CNOT4: variants seen among roughly 807,000 people sequenced by gnomAD.
CNOT4 encodes CCR4-NOT transcription complex subunit 4.
CNOT4 carries 8 observed loss-of-function variants against 73.8 expected under a neutral mutation model. That is an observed-to-expected ratio of 0.11 (90% CI 0.06 to 0.20). The LOEUF (loss-of-function observed/expected upper bound fraction) is 0.20, where lower values mean the gene tolerates loss of function less well. CNOT4 is among the 10% of genes least tolerant of loss of function. The pLI, the probability that CNOT4 is intolerant of heterozygous loss-of-function variation, is 1.00. For synonymous variants in CNOT4, 293 were observed against 321.1 expected, an observed-to-expected ratio of 0.91 and a Z score of 0.94; for missense variants, 564 against 883.4, an observed-to-expected ratio of 0.64 and a Z score of 4.58.
intron 1 of CNOT4, among the ~76,000 whole-genome samples, chr7:135,458,297 T>C (rs936189485): frequency 6.6e-6 from 1 of 152,114 alleles, no homozygotes; most frequent in African/African-American, 2.4e-5. Context: ...TAAAAATACT[T>C]TACTGCTAAA....
intron 10 of CNOT4, chr7:135,388,578 A>C: frequency 1.7e-6 from 2 of 1,152,624 alleles, no homozygotes; most frequent in Non-Finnish European, 1.1e-6. Context: ...CATGAGAAAC[A>C]ATGCCAAAAT....
chr7:135,496,436 C>A (rs934300879), intron 1 of CNOT4, among the ~76,000 whole-genome samples: 6 of 152,154 alleles, frequency 3.9e-5, no homozygotes, highest in Non-Finnish European at 8.8e-5. Flanking sequence ...TCTTCCTTAA[C>A]CTCCCTGCAA....
intron 2 of CNOT4, among the ~76,000 whole-genome samples, chr7:135,431,471 C>T (rs191084614): frequency 3.9e-5 from 6 of 152,158 alleles, no homozygotes; most frequent in East Asian, 3.9e-4. Flanking sequence ...GGGCTGGGTG[C>T]GGTGGCTCAC....
chr7:135,401,747 G>C (rs1176211022), intron 7 of CNOT4, among the ~76,000 whole-genome samples: 1 of 152,114 alleles, frequency 6.6e-6, no homozygotes, highest in Non-Finnish European at 1.5e-5. Flanking sequence ...AAGAATGAGA[G>C]AGGCAAAAAC....
intron 10 of CNOT4, chr7:135,386,127 A>T (rs1185651980): frequency 6.6e-6 from 1 of 151,860 alleles, no homozygotes; most frequent in Non-Finnish European, 1.5e-5. Context: ...CTAAAGTGGC[A>T]CTAAAAACAT....
chr7:135,492,247 A>G (rs1170163704), intron 1 of CNOT4, among the ~76,000 whole-genome samples: 1 of 152,200 alleles, frequency 6.6e-6, no homozygotes, highest in Admixed American at 6.5e-5. Context: ...GTTTCTTACC[A>G]TGAATTTAAA....
intron 2 of CNOT4, among the ~76,000 whole-genome samples, chr7:135,433,274 A>C (rs535908968): frequency 2.4e-4 from 32 of 134,720 alleles, no homozygotes; most frequent in African/African-American, 8.3e-4. Context: ...TCCTTCAGTT[A>C]TTTTTGCTAT....
intron 1 of CNOT4, among the ~76,000 whole-genome samples, chr7:135,478,303 A>T (rs1157248206): frequency 6.6e-6 from 1 of 152,180 alleles, no homozygotes; most frequent in African/African-American, 2.4e-5. Flanking sequence ...ATTTTTCAAC[A>T]CACATTTATG....
intron 1 of CNOT4, among the ~76,000 whole-genome samples, chr7:135,486,937 G>A (rs1373231760): frequency 1.3e-5 from 2 of 152,042 alleles, no homozygotes; most frequent in African/African-American, 4.8e-5. Context: ...AAGGTAAAGA[G>A]TACTAAGATC....
rs545221464 is a variant in CNOT4 at position 135,446,568 on chromosome 7, A to AT, written c.-92-8146dup. ...AATTTTTTGCCAATCTAATAGATGA[A>AT]TTTTTAATAACTTAAATATGTAGCT... On this transcript the variant is annotated intron_variant, in intron 1 of 11. Transcript: ENST00000541284. 1.7e-4 allele frequency among the ~76,000 whole-genome samples: 26 copies of AT among 152,294 alleles called. No homozygotes were observed. In the South Asian group the frequency reaches 4.8e-3, roughly 28 times the overall value.
At chr7:135,504,750 T>C in intron 1 of CNOT4, among the ~76,000 whole-genome samples, 1 of 100,632 alleles carries the variant, frequency 9.9e-6, no homozygotes, top group Admixed American at 8.7e-5. Context: ...CCTCCCAAAG[T>C]GCTGGGATTA....
At chr7:135,497,322 T>C (rs1271520696) in intron 1 of CNOT4, among the ~76,000 whole-genome samples, 1 of 151,994 alleles carries the variant, frequency 6.6e-6, no homozygotes, top group African/African-American at 2.4e-5. Flanking sequence ...GGTAGGAGAA[T>C]TGCTTGAACC....
chr7:135,474,045 T>A (rs1193729464), intron 1 of CNOT4, among the ~76,000 whole-genome samples: 1 of 149,378 alleles, frequency 6.7e-6, no homozygotes, highest in African/African-American at 2.5e-5. Flanking sequence ...AATGGTGCAA[T>A]CTCAGCTCAC....
chr7:135,385,981 C>A (rs1283281308), intron 10 of CNOT4, among the ~76,000 whole-genome samples: 2 of 151,564 alleles, frequency 1.3e-5, no homozygotes, highest in African/African-American at 4.9e-5. Context: ...CATGGAAAAC[C>A]AAAATTCAAT....
intron 1 of CNOT4, among the ~76,000 whole-genome samples, chr7:135,500,277 A>C (rs1259046852): frequency 6.6e-6 from 1 of 152,226 alleles, no homozygotes; most frequent in Non-Finnish European, 1.5e-5. Flanking sequence ...GGAAGCATGA[A>C]GATAATAAGT....
At chr7:135,426,367 C>T (rs1377758420) in intron 2 of CNOT4, among the ~76,000 whole-genome samples, 1 of 152,082 alleles carries the variant, frequency 6.6e-6, no homozygotes, top group Admixed American at 6.5e-5. Flanking sequence ...CTTTGGGAGG[C>T]CAAGGCGGGC....
chr7:135,508,957 A>C (rs1343618266), intron 1 of CNOT4: 4 of 152,268 alleles, frequency 2.6e-5, no homozygotes, highest in Admixed American at 2.6e-4. Flanking sequence ...GCCAAGTCCT[A>C]ACACAACAGA....
intron 2 of CNOT4, among the ~76,000 whole-genome samples, chr7:135,433,081 C>T (rs1357226085): frequency 6.6e-6 from 1 of 152,082 alleles, no homozygotes; most frequent in Non-Finnish European, 1.5e-5. Context: ...TGGATGATTA[C>T]TTCCCCTCTG....
At chr7:135,412,930 C>T (rs1418916166) in intron 6 of CNOT4, among the ~76,000 whole-genome samples, 1 of 151,956 alleles carries the variant, frequency 6.6e-6, no homozygotes, top group Non-Finnish European at 1.5e-5. Flanking sequence ...TAAAAAAGAA[C>T]ATAGGATATT....
Sources: allele counts gnomAD v4.1 joint callset (sites outside exome capture counted in the v4.1 genomes callset), GRCh38; gene constraint gnomAD v4.1.1; transcripts MANE v1.5; gene names NCBI Gene and HGNC (gene_info 2026-07-23, HGNC 2026-07-21).